Variants in AKT3 observed in about 807,000 individuals in gnomAD.
The protein encoded by AKT3 is AKT serine/threonine kinase 3.
AKT3 carries 15 observed loss-of-function variants against 65.3 expected under a neutral mutation model. The ratio of observed to expected loss-of-function variants is 0.23; its 90% CI spans 0.15 to 0.35. The LOEUF is 0.35. Among genes scored for constraint, AKT3 ranks in the 10% least tolerant of loss-of-function variants. The probability of loss-of-function intolerance (pLI) is 1.00; values close to 1 mark genes in which losing one functional copy is unlikely to be tolerated. For missense variants in AKT3, 243 were observed against 576.5 expected, an observed-to-expected ratio of 0.42 and a Z score of 5.92; for synonymous variants, 206 against 183.8, an observed-to-expected ratio of 1.12 and a Z score of -0.98.
chr1:243,643,728 T>C (rs971018605), intron 5 of AKT3, among the ~76,000 whole-genome samples: 1 of 152,236 alleles, frequency 6.6e-6, no homozygotes, highest in Non-Finnish European at 1.5e-5. Context: ...ACTGTCACCA[T>C]AGCCATCATA....
intron 2 of AKT3, among the ~76,000 whole-genome samples, chr1:243,755,153 C>T (rs1689052335): frequency 1.3e-5 from 2 of 152,102 alleles, no homozygotes; most frequent in Admixed American, 1.3e-4. Context: ...ACTGCCACCT[C>T]CGCCTCCTGG....
chr1:243,589,225 GA>G (rs2148545916), intron 8 of AKT3, among the ~76,000 whole-genome samples: 1 of 143,700 alleles, frequency 7.0e-6, no homozygotes, highest in South Asian at 2.2e-4. Flanking sequence ...AGAATCGCTT[GA>G]ACCCGGGAGG....
chr1:243,516,299 T>C (rs578062746), intron 12 of AKT3, among the ~76,000 whole-genome samples: 1 of 152,222 alleles, frequency 6.6e-6, no homozygotes, highest in Non-Finnish European at 1.5e-5. Flanking sequence ...TTATACATAA[T>C]GCTTCCATAT....
At chr1:243,561,201 T>C (rs1021020000) in intron 10 of AKT3, among the ~76,000 whole-genome samples, 1 of 152,102 alleles carries the variant, frequency 6.6e-6, no homozygotes, top group African/African-American at 2.4e-5. Context: ...GTAAATGTAA[T>C]CCCTAGTTGA....
intron 3 of AKT3, among the ~76,000 whole-genome samples, chr1:243,683,546 T>C (rs567007676): frequency 7.9e-5 from 12 of 152,184 alleles, no homozygotes; most frequent in African/African-American, 2.9e-4. Flanking sequence ...GAGTCCTAAG[T>C]ATTTAAAAAT....
chr1:243,625,710 G>A (rs896975706), intron 6 of AKT3, among the ~76,000 whole-genome samples: 13 of 152,118 alleles, frequency 8.5e-5, no homozygotes, highest in African/African-American at 2.4e-4. Flanking sequence ...GGTATTCATC[G>A]GGTTCCTGAA....
At chr1:243,540,948 A>C (rs1427854192) in intron 12 of AKT3, among the ~76,000 whole-genome samples, 3 of 152,186 alleles carry the variant, frequency 2.0e-5, no homozygotes, top group South Asian at 2.1e-4. Context: ...GCATCTTATC[A>C]TGGGTTCCAT....
intron 12 of AKT3, among the ~76,000 whole-genome samples, chr1:243,523,886 T>A (rs1405433673): frequency 6.6e-6 from 1 of 152,220 alleles, no homozygotes; most frequent in Non-Finnish European, 1.5e-5. Context: ...GTTGGCACAA[T>A]ACTTACCATA....
intron 13 of AKT3, among the ~76,000 whole-genome samples, chr1:243,507,087 T>G (rs1230601417): frequency 6.6e-6 from 1 of 152,246 alleles, no homozygotes; most frequent in Non-Finnish European, 1.5e-5. Flanking sequence ...ACTCAGTGTT[T>G]CTGCACAGCA....
At chr1:243,813,541 T>C (rs1693320157) in intron 2 of AKT3, among the ~76,000 whole-genome samples, 1 of 151,852 alleles carries the variant, frequency 6.6e-6, no homozygotes, top group Non-Finnish European at 1.5e-5. Context: ...ATCAGTGTCA[T>C]AGAAAGCAAT....
chr1:243,517,031 A>G (rs1670405176), intron 12 of AKT3, among the ~76,000 whole-genome samples: 1 of 152,138 alleles, frequency 6.6e-6, no homozygotes, highest in African/African-American at 2.4e-5. Flanking sequence ...AGCTAAACAC[A>G]TTGTGTTTTC....
At chr1:243,506,138 G>A (rs1273357751) in intron 13 of AKT3, among the ~76,000 whole-genome samples, 1 of 152,224 alleles carries the variant, frequency 6.6e-6, no homozygotes, top group East Asian at 1.9e-4. Flanking sequence ...GTCAACATGC[G>A]CTCCCACGCA....
chr1:243,557,993 A>AATGTAACT (rs1673520274), intron 10 of AKT3, among the ~76,000 whole-genome samples: 1 of 152,092 alleles, frequency 6.6e-6, no homozygotes, highest in Admixed American at 6.6e-5. Flanking sequence ...GACTAATCAG[A>AATGTAACT]ATGTAACTAC....
chr1:243,687,679 G>A (rs1476836559), intron 3 of AKT3: 2 of 151,928 alleles, frequency 1.3e-5, no homozygotes, highest in African/African-American at 4.8e-5. Context: ...TGAACGTTTT[G>A]TGGAATTTTT....
intron 8 of AKT3, among the ~76,000 whole-genome samples, chr1:243,594,457 T>C (rs753543932): frequency 2.6e-5 from 4 of 152,250 alleles, no homozygotes; most frequent in Non-Finnish European, 4.4e-5. Context: ...AGTTTTTCTC[T>C]ATTTCAAAAT....
chr1:243,647,974 T>C (rs1572095664), intron 4 of AKT3, among the ~76,000 whole-genome samples: 2 of 152,198 alleles, frequency 1.3e-5, no homozygotes. Flanking sequence ...TTGTCAAATG[T>C]AGGCCAGGTG....
At chr1:243,572,591 C>A (rs1674642036) in intron 9 of AKT3, among the ~76,000 whole-genome samples, 1 of 152,156 alleles carries the variant, frequency 6.6e-6, no homozygotes. Flanking sequence ...AATAGTCTTA[C>A]TATGTTTCTT....
chr1:243,774,257 A>G (rs1447026044), intron 2 of AKT3, among the ~76,000 whole-genome samples: 1 of 152,206 alleles, frequency 6.6e-6, no homozygotes, highest in Non-Finnish European at 1.5e-5. Context: ...ACATACTACA[A>G]ACTTTTCCCT....
chr1:243,546,446 C>T (rs1039424825), intron 11 of AKT3, among the ~76,000 whole-genome samples: 5 of 151,858 alleles, frequency 3.3e-5, no homozygotes, highest in Non-Finnish European at 5.9e-5. Flanking sequence ...GGGAAAAGAA[C>T]AAGGAAAGGA....
Sources: gnomAD v4.1 joint callset for allele counts (sites outside exome capture counted in the v4.1 genomes callset) on GRCh38, gnomAD v4.1.1 for gene constraint, MANE v1.5 for transcripts, NCBI Gene and HGNC (gene_info 2026-07-23, HGNC 2026-07-21) for gene names.